ZNF469: variants seen among roughly 807,000 people sequenced by gnomAD.
ZNF469 encodes zinc finger protein 469.
In ZNF469, 1 loss-of-function variant was observed where a neutral mutation model predicts 1.0. The ratio of observed to expected loss-of-function variants is 1.00; its 90% CI spans 0.35 to 4.73. The LOEUF is 4.73. Ranked by LOEUF, ZNF469 falls within the 30% of genes most tolerant of loss-of-function variation. The pLI is 0.16. For missense variants in ZNF469, 6,100 were observed against 5,356.3 expected (o/e 1.14, Z -4.33); for synonymous variants, 2,703 against 2,363.4 (o/e 1.14, Z -4.17).
the ZNF469 span, among the ~76,000 whole-genome samples, chr16:88,377,165 C>T: frequency 6.6e-6 from 1 of 152,238 alleles, no homozygotes; most frequent in Admixed American, 6.5e-5. Context: ...GGAGTCTTCC[C>T]AATGGGGCAG....
chr16:88,270,376 TG>T, the ZNF469 span, among the ~76,000 whole-genome samples: 34 of 152,338 alleles, frequency 2.2e-4, no homozygotes, highest in East Asian at 4.8e-3. Flanking sequence ...TGGCTGTGTG[TG>T]CCCATGTGGC....
chr16:88,221,981 G>GATGAGGCC, the ZNF469 span, among the ~76,000 whole-genome samples: 3 of 152,118 alleles, frequency 2.0e-5, no homozygotes, highest in Admixed American at 1.3e-4. Context: ...CCTTTTTCCA[G>GATGAGGCC]ATGAGGCCAC....
At chr16:88,406,234 G>C (rs1331588558) in intron 1 of ZNF469, among the ~76,000 whole-genome samples, 1 of 152,206 alleles carries the variant, frequency 6.6e-6, no homozygotes, top group African/African-American at 2.4e-5. Flanking sequence ...GGGCAGAAAC[G>C]TGGGTGTGTC....
Position 88,437,999 on chromosome 16 carries a change from A to T in ZNF469, c.10529A>T (p.His3510Leu), listed in dbSNP as rs1906721831. The change falls in exon 3 of 3, where the codon CAC (histidine) becomes CTC (leucine). Residue 3510 changes from histidine to leucine, a missense_variant. Physicochemically the swap from His to Leu is moderately conservative, Grantham distance 99. Coordinates refer to ENST00000565624, the MANE Select transcript of ZNF469 (RefSeq NM_001367624.2). ...GAGGGCTCTCTCCCGGCCCTGCTCC[A>T]CCTGTGTTCGGAGGTGGCTCCCAGC... ...LSEGSLPALL[H>L]LCSEVAPSTT... The T allele has an allele frequency of 6.5e-7, 1 of 1,549,026 alleles. No individual in the cohort carries two copies.
intron 1 of ZNF469, among the ~76,000 whole-genome samples, chr16:88,383,973 C>T (rs1417334521): frequency 6.6e-6 from 1 of 152,202 alleles, no homozygotes; most frequent in Non-Finnish European, 1.5e-5. Context: ...GGGACTCCCG[C>T]GGCCACCCAG....
At chr16:88,371,951 TCAC>T in the ZNF469 span, among the ~76,000 whole-genome samples, 5 of 121,558 alleles carry the variant, frequency 4.1e-5, no homozygotes, top group South Asian at 1.1e-3. Context: ...ATCATCACCA[TCAC>T]CACCATCATC....
the ZNF469 span, among the ~76,000 whole-genome samples, chr16:88,152,403 T>C: frequency 1.3e-5 from 2 of 152,154 alleles, no homozygotes; most frequent in African/African-American, 4.8e-5. This position sits in a 1 kb window ranked among gnomAD's most constrained non-coding sequence, Gnocchi z 4.2. Context: ...GCAGCTGCTT[T>C]TCCGTCTATG....
chr16:88,226,581 T>C, the ZNF469 span, among the ~76,000 whole-genome samples: 6 of 152,246 alleles, frequency 3.9e-5, no homozygotes, highest in East Asian at 9.7e-4. Context: ...TGTGGCCCTT[T>C]CTTACGGCAG....
chr16:88,307,540 C>T, the ZNF469 span, among the ~76,000 whole-genome samples: 5 of 152,198 alleles, frequency 3.3e-5, no homozygotes, highest in Admixed American at 3.3e-4. Context: ...AGCCAAGCTC[C>T]TGGGTGTGAA....
intron 1 of ZNF469, among the ~76,000 whole-genome samples, chr16:88,385,620 G>C (rs144932895): frequency 6.8e-6 from 1 of 147,788 alleles, no homozygotes; most frequent in African/African-American, 2.5e-5. Context: ...TCCAGCCTGC[G>C]TGATAGAGTG....
the ZNF469 span, among the ~76,000 whole-genome samples, chr16:88,256,895 C>CTTTCTCTCTTTCTTTCTTTCTTTCTTTCT: frequency 1.9e-5 from 1 of 51,430 alleles, no homozygotes; most frequent in African/African-American, 6.9e-5. Context: ...CTTTTCTTTC[C>CTTTCTCTCTTTCTTTCTTTCTTTCTTTCT]TTCTTTCTTT....
chr16:88,190,998 G>A, the ZNF469 span, among the ~76,000 whole-genome samples: 1 of 151,918 alleles, frequency 6.6e-6, no homozygotes, highest in East Asian at 1.9e-4. Flanking sequence ...TAAGTCAGTG[G>A]TCATTTGTTA....
chr16:88,268,338 G>A, the ZNF469 span, among the ~76,000 whole-genome samples: 52,978 of 151,500 alleles, frequency 0.35, 9,587 homozygotes, highest in East Asian at 0.46. Context: ...ACTGACTACA[G>A]ACAAATGTCA....
At chr16:88,201,021 C>T in the ZNF469 span, among the ~76,000 whole-genome samples, 2 of 152,222 alleles carry the variant, frequency 1.3e-5, no homozygotes, top group Non-Finnish European at 2.9e-5. This position sits in a 1 kb window ranked among gnomAD's most constrained non-coding sequence, Gnocchi z 5.0. Flanking sequence ...TTTGGGACCA[C>T]GTCATCAAGC....
the ZNF469 span, among the ~76,000 whole-genome samples, chr16:88,201,931 TG>T: frequency 6.6e-6 from 1 of 152,178 alleles, no homozygotes; most frequent in Non-Finnish European, 1.5e-5. The surrounding 1 kb of genome is among the most constrained non-coding windows in gnomAD (Gnocchi z 5.0). Flanking sequence ...CTTGATGGCC[TG>T]GGGCTCCCAT....
the ZNF469 span, among the ~76,000 whole-genome samples, chr16:88,333,791 C>T: frequency 8.8e-5 from 13 of 147,750 alleles, no homozygotes; most frequent in East Asian, 2.6e-3. Flanking sequence ...AGAACCGGAG[C>T]ACTTCACACA....
the ZNF469 span, among the ~76,000 whole-genome samples, chr16:88,337,902 A>C: frequency 6.6e-6 from 1 of 152,086 alleles, no homozygotes; most frequent in African/African-American, 2.4e-5. Flanking sequence ...TCTCAGATGG[A>C]CGGTTTGCCA....
Position 88,433,740 on chromosome 16 carries a change from C to T in ZNF469, c.6270C>T (p.Pro2090=), listed in dbSNP as rs564703948. The T allele has an allele frequency of 6.5e-6, 10 of 1,548,926 alleles. No individual in the cohort carries two copies. The highest frequency in any genetic ancestry group is 2.4e-5 in the South Asian group (2 of 84,056). The part of the protein sequence containing the change: ...EGRTPERASS[P]GLNKPLLATG... The stretch of plus-strand genomic sequence containing the variant: ...GGACTCCAGAGAGGGCGTCCAGCCC[C>T]GGCCTGAACAAGCCACTGCTGGCCA... Residue 2090 remains proline (P), a synonymous_variant, in exon 3 of 3, where the codon CCC becomes CCT. Transcript: ENST00000565624.
chr16:88,117,254 G>C, the ZNF469 span, among the ~76,000 whole-genome samples: 3 of 151,748 alleles, frequency 2.0e-5, no homozygotes, highest in Non-Finnish European at 4.4e-5. Context: ...TGTGAGAGCC[G>C]GGGACGTGTG....
Sources: gnomAD v4.1 joint callset for allele counts (sites outside exome capture counted in the v4.1 genomes callset) on GRCh38, gnomAD v4.1.1 for gene constraint, Gnocchi (gnomAD v3.1) non-coding constraint, MANE v1.5 for transcripts, NCBI Gene and HGNC (gene_info 2026-07-23, HGNC 2026-07-21) for gene names.